Variants in ANKS6 observed in about 807,000 individuals in gnomAD.
ANKS6 encodes the protein ankyrin repeat and SAM domain-containing protein 6.
Under a neutral mutation model 77.9 loss-of-function variants are expected in ANKS6, and 47 were observed. The observed-to-expected ratio is 0.60, with a 90% CI of 0.48 to 0.77. The LOEUF (loss-of-function observed/expected upper bound fraction) is 0.77, where lower values mean the gene tolerates loss of function less well. ANKS6 is among the 30% of genes least tolerant of loss of function. The probability of loss-of-function intolerance (pLI) is 0.00; values close to 1 mark genes in which losing one functional copy is unlikely to be tolerated. For missense variants in ANKS6, 1,150 were observed against 1,159.1 expected (o/e 0.99, Z 0.11); for synonymous variants, 488 against 501.7 (o/e 0.97, Z 0.37).
At chr9:98,739,757 C>CTTTTTTTTTT (rs1338507769) in intron 14 of ANKS6, among the ~76,000 whole-genome samples, 1 of 51,066 alleles carries the variant, frequency 2.0e-5, no homozygotes, top group Non-Finnish European at 3.6e-5. Context: ...GTGGATTAAA[C>CTTTTTTTTTT]ATTTTTTTTT....
intron 1 of ANKS6, among the ~76,000 whole-genome samples, chr9:98,792,448 G>T (rs1834952307): frequency 6.6e-6 from 1 of 152,170 alleles, no homozygotes; most frequent in African/African-American, 2.4e-5. Context: ...TACCATAGTG[G>T]CTGATCCACA....
In ANKS6 at chr9:98,735,651, C is replaced by T; in HGVS notation, c.*868G>A. 8.1e-7 allele frequency: 1 copy of T among 1,231,778 alleles called. No homozygotes were observed. Among genetic ancestry groups the T allele is most frequent in the Non-Finnish European group, 1.0e-6 (1 of 987,988 alleles). 76.3% of individuals were successfully genotyped at this position (1,231,778 alleles called of 1,614,324 possible). A position where few individuals can be genotyped will look rare whatever the true frequency, so the allele number is the denominator to read the frequency against. ...AGCCCTGCAGTGATACAGGTGAGCA[C>T]TGTGGAGTACCAGAGCATCATCTGG... On this transcript the variant is annotated 3_prime_UTR_variant, in exon 15 of 15. Coordinates refer to ENST00000353234, the MANE Select transcript of ANKS6 (RefSeq NM_173551.5).
chr9:98,762,406 T>C lies in ANKS6; in HGVS notation c.2142+5675A>G, dbSNP rs1833064986. ...GTTTTGTTTCTTCCTTTCCCATCTGTATGCCTTTTATTTTTCTTGCCTTAT... is the reference window on the plus strand; with the variant it reads ...GTTTTGTTTCTTCCTTTCCCATCTGCATGCCTTTTATTTTTCTTGCCTTAT... On this transcript the variant is annotated intron_variant, in intron 11 of 14. Coordinates refer to ENST00000353234, the MANE Select transcript of ANKS6 (RefSeq NM_173551.5). Among the ~76,000 whole-genome samples the C allele has an allele frequency of 2.0e-5, 3 of 152,172 alleles. No homozygotes were observed. In the South Asian group the frequency reaches 6.2e-4, roughly 31 times the overall value.
chr9:98,781,831 C>T (rs1383882714), intron 5 of ANKS6, among the ~76,000 whole-genome samples: 1 of 152,114 alleles, frequency 6.6e-6, no homozygotes, highest in Non-Finnish European at 1.5e-5. Flanking sequence ...AGAAGGGCCT[C>T]GGGGCTTCTC....
chr9:98,795,722 C>T (rs1288845562), intron 1 of ANKS6, among the ~76,000 whole-genome samples: 5 of 152,184 alleles, frequency 3.3e-5, no homozygotes, highest in African/African-American at 1.2e-4. Context: ...CCTTTCCGGT[C>T]AAGCTCGTTC....
chr9:98,739,539 G>A (rs1417534769), intron 14 of ANKS6, among the ~76,000 whole-genome samples: 1 of 152,102 alleles, frequency 6.6e-6, no homozygotes, highest in Non-Finnish European at 1.5e-5. Flanking sequence ...TACAAAAGAG[G>A]GATGATAACA....
chr9:98,765,312 G>T (rs536727056), intron 11 of ANKS6, among the ~76,000 whole-genome samples: 1 of 152,286 alleles, frequency 6.6e-6, no homozygotes, highest in East Asian at 1.9e-4. Flanking sequence ...TGAAATATTT[G>T]AATTGTTCTC....
intron 7 of ANKS6, among the ~76,000 whole-genome samples, chr9:98,777,958 A>G (rs2118081811): frequency 6.6e-6 from 1 of 152,282 alleles, no homozygotes; most frequent in Admixed American, 6.5e-5. Flanking sequence ...AAGGCAAGAG[A>G]GAGGACGACT....
chr9:98,751,202 T>C (rs1227853518), intron 12 of ANKS6, 106 bp from the exon 13 acceptor site: 3 of 915,234 alleles, frequency 3.3e-6, no homozygotes, highest in East Asian at 5.1e-5. Context: ...TGAAATTCTA[T>C]AAGAAACACC....
chr9:98,755,316 C>G (rs1832638328), intron 12 of ANKS6, among the ~76,000 whole-genome samples: 1 of 152,210 alleles, frequency 6.6e-6, no homozygotes, highest in Admixed American at 6.5e-5. Context: ...CTGACTTATA[C>G]TCCTCGATTT....
In ANKS6 at chr9:98,790,298, G is replaced by A; in HGVS notation, c.668C>T (p.Thr223Ile). ...CAGCATCAGCGGGCTCCAGCCCACG[G>A]TCCGGGCTGCGTGGTTGGGGTCCGC... ...WGADPNHAAR[T>I]VGWSPLMLAA... is the part of the protein sequence containing the mutation. Residue 223 changes from threonine (T) to isoleucine (I), a missense_variant, in exon 2 of 15, where the codon ACC (threonine) becomes ATC (isoleucine). Physicochemically the swap from Thr to Ile is moderately conservative, Grantham distance 89. Coordinates refer to ENST00000353234, the MANE Select transcript of ANKS6 (RefSeq NM_173551.5). 1.9e-6 allele frequency: 3 copies of A among 1,605,538 alleles called. No individual in the cohort carries two copies. The highest frequency in any genetic ancestry group is 1.1e-5 in the South Asian group (1 of 90,930).
At chr9:98,787,136 G>A (rs964779051) in intron 2 of ANKS6, among the ~76,000 whole-genome samples, 2 of 152,146 alleles carry the variant, frequency 1.3e-5, no homozygotes, top group African/African-American at 2.4e-5. Context: ...CTGGATTTCC[G>A]GGAACTGCAC....
Position 98,736,202 on chromosome 9 carries a change from G to C in ANKS6, c.*317C>G, listed in dbSNP as rs1314517923. 8.4e-7 allele frequency: 1 copy of C among 1,187,354 alleles called. No homozygotes were observed. Among genetic ancestry groups the C allele is most frequent in the Non-Finnish European group, 1.0e-6 (1 of 957,834 alleles). The allele number at this position is 1,187,354 out of a possible 1,614,324, so 73.6% of individuals were successfully genotyped here. A position where few individuals can be genotyped will look rare whatever the true frequency, so the allele number is the denominator to read the frequency against. On this transcript the variant is annotated 3_prime_UTR_variant, in exon 15 of 15. Coordinates refer to ENST00000353234, the MANE Select transcript of ANKS6 (RefSeq NM_173551.5). ...CGTCCCTTTCCCTTGCCGCCAGCCA[G>C]AAGCAAACTCTGAGGCTCCCGGGGA...
chr9:98,739,296 GACA>G (rs973936235), intron 14 of ANKS6, among the ~76,000 whole-genome samples: 13 of 152,034 alleles, frequency 8.6e-5, no homozygotes, highest in Non-Finnish European at 1.3e-4. Flanking sequence ...CAACAACAAC[GACA>G]ACAACAACAA....
At chr9:98,764,558 G>T (rs1833171705) in intron 11 of ANKS6, among the ~76,000 whole-genome samples, 1 of 152,050 alleles carries the variant, frequency 6.6e-6, no homozygotes, top group South Asian at 2.1e-4. Context: ...TTTTATATGT[G>T]TTTCTTCTTT....
At chr9:98,790,747 AGCCACATG>A (rs1345063884) in intron 1 of ANKS6, 141 bp from the exon 2 acceptor site, 12 of 1,197,012 alleles carry the variant, frequency 1.0e-5, no homozygotes, top group Non-Finnish European at 1.4e-5. Flanking sequence ...GCACTGTGCC[AGCCACATG>A]GATGCAGATG....
At position 98,790,436 on chromosome 9, in the gene ANKS6, C is replaced by T. The variant is rs1834841272; in HGVS notation, c.530G>A (p.Gly177Asp). Residue 177 changes from glycine (G) to aspartate (D), a missense_variant, in exon 2 of 15, where the codon GGC (glycine) becomes GAC (aspartate). Physicochemically the swap from Gly to Asp is moderately conservative, Grantham distance 94. Coordinates refer to ENST00000353234, the MANE Select transcript of ANKS6 (RefSeq NM_173551.5). ...GCTGCCGCCCAACCCCAGTTGCTCGCCTGAAGGGTGGTGATGGTCCACAAA... is the reference window on the plus strand; with the variant it reads ...GCTGCCGCCCAACCCCAGTTGCTCGTCTGAAGGGTGGTGATGGTCCACAAA... Reference protein sequence around the residue: ...GAFVDHHHPSGEQLGLGGSRD... With the variant: ...GAFVDHHHPSDEQLGLGGSRD... The T allele has an allele frequency of 6.2e-7, 1 of 1,613,678 alleles. No homozygotes were observed.
intron 14 of ANKS6, among the ~76,000 whole-genome samples, chr9:98,740,648 C>T (rs7857097): frequency 0.012 from 1,777 of 152,312 alleles, 34 homozygotes; most frequent in African/African-American, 0.041. Context: ...TTCCGGCCCT[C>T]GCTGCCTGCT....
intron 11 of ANKS6, among the ~76,000 whole-genome samples, chr9:98,757,513 C>T (rs558688184): frequency 6.6e-6 from 1 of 152,328 alleles, no homozygotes; most frequent in East Asian, 1.9e-4. Flanking sequence ...GTGATATGCC[C>T]ATTCAGTGCA....
Sources: gnomAD v4.1 joint callset for allele counts (sites outside exome capture counted in the v4.1 genomes callset) on GRCh38, gnomAD v4.1.1 for gene constraint, MANE v1.5 for transcripts, NCBI Gene and HGNC (gene_info 2026-07-23, HGNC 2026-07-21) for gene names.